The following KCNN2 variants were observed in gnomAD, a reference collection of about 807,000 sequenced individuals.
The protein encoded by KCNN2 is potassium calcium-activated channel subfamily N member 2.
KCNN2 carries 24 observed loss-of-function variants against 55.5 expected under a neutral mutation model. The observed-to-expected ratio is 0.43, with a 90% CI of 0.31 to 0.61. KCNN2 has a LOEUF of 0.61. KCNN2 is among the 20% of genes least tolerant of loss of function. The pLI is 0.08. For missense variants in KCNN2, 754 were observed against 853.6 expected (o/e 0.88, Z 1.45); for synonymous variants, 431 against 336.1 (o/e 1.28, Z -3.09).
intron 2 of KCNN2, among the ~76,000 whole-genome samples, chr5:114,365,634 C>G (rs1177579815): frequency 2.0e-5 from 3 of 152,158 alleles, no homozygotes; most frequent in Non-Finnish European, 4.4e-5. Flanking sequence ...GCTTCCTCTG[C>G]GAGCTGCTGC....
At chr5:114,137,812 T>C (rs1752203415) in intron 1 of KCNN2, among the ~76,000 whole-genome samples, 2 of 152,062 alleles carry the variant, frequency 1.3e-5, no homozygotes, top group South Asian at 2.1e-4. Context: ...TAGAAAATAA[T>C]ATTTTATATG....
At chr5:114,402,621 A>G (rs1015947247) in intron 2 of KCNN2, among the ~76,000 whole-genome samples, 3 of 152,226 alleles carry the variant, frequency 2.0e-5, no homozygotes, top group Non-Finnish European at 2.9e-5. Context: ...TGTATCAAAT[A>G]GAGGGTATTT....
chr5:114,241,762 A>ATG (rs1561537074), intron 2 of KCNN2, among the ~76,000 whole-genome samples: 1 of 19,792 alleles, frequency 5.1e-5, no homozygotes. Flanking sequence ...GTATATATAT[A>ATG]CGTATATATA....
At chr5:114,246,990 T>C (rs1326332303) in intron 2 of KCNN2, among the ~76,000 whole-genome samples, 2 of 151,678 alleles carry the variant, frequency 1.3e-5, no homozygotes. Flanking sequence ...GGTTAGATTA[T>C]ATCACTTGCT....
rs1281089112 is a variant in KCNN2, at chr5:114,363,048, A to AGGAGGC, written c.912_917dup (p.Gly309_Gly310dup). ...GAACCGGCGGCGGAGGCAGCACTGG[A>AGGAGGC]GGAGGCGGCGGCGGTGGCGGGAGCG... On this transcript the variant is annotated inframe_insertion, in exon 1 of 8. Coordinates refer to ENST00000673685, the MANE Select transcript of KCNN2 (RefSeq NM_021614.4). 2.5e-6 allele frequency: 4 copies of AGGAGGC among 1,607,020 alleles called. No individual in the cohort carries two copies. In the South Asian group the frequency reaches 3.3e-5, roughly 13 times the overall value.
intron 1 of KCNN2, among the ~76,000 whole-genome samples, chr5:114,132,726 A>G (rs1180028161): frequency 6.6e-6 from 1 of 152,188 alleles, no homozygotes; most frequent in Non-Finnish European, 1.5e-5. Context: ...TAAAAGCATC[A>G]AATTAAAAGC....
chr5:114,320,326 C>T (rs915456872), intron 2 of KCNN2, among the ~76,000 whole-genome samples: 6 of 152,038 alleles, frequency 3.9e-5, no homozygotes, highest in Non-Finnish European at 5.9e-5. Context: ...AGAAAACATT[C>T]ATCCAGGCCG....
At chr5:114,369,177 AC>A (rs1238484964) in intron 2 of KCNN2, among the ~76,000 whole-genome samples, 1 of 152,176 alleles carries the variant, frequency 6.6e-6, no homozygotes, top group African/African-American at 2.4e-5. Flanking sequence ...TTATTCCTCC[AC>A]AGCATTGTGA....
At chr5:114,130,455 A>G (rs535810647) in intron 1 of KCNN2, among the ~76,000 whole-genome samples, 2 of 152,326 alleles carry the variant, frequency 1.3e-5, no homozygotes, top group Admixed American at 6.5e-5. Context: ...AATTACTTCA[A>G]TAGGATCCAG....
At chr5:114,371,899 G>T (rs1757768914) in intron 2 of KCNN2, among the ~76,000 whole-genome samples, 1 of 152,086 alleles carries the variant, frequency 6.6e-6, no homozygotes, top group Non-Finnish European at 1.5e-5. Context: ...GCTATATTAT[G>T]CCGACTCTTA....
At chr5:114,147,775 G>A (rs1359781664) in intron 1 of KCNN2, among the ~76,000 whole-genome samples, 1 of 152,148 alleles carries the variant, frequency 6.6e-6, no homozygotes, top group East Asian at 1.9e-4. Flanking sequence ...ATCATTTAAG[G>A]TGTTTAAATT....
intron 1 of KCNN2, among the ~76,000 whole-genome samples, chr5:114,072,798 AC>A (rs1393515941): frequency 6.6e-6 from 1 of 152,006 alleles, no homozygotes; most frequent in African/African-American, 2.4e-5. Context: ...TTCATTTGTA[AC>A]ATGGAGGTAA....
chr5:114,117,473 G>A (rs1194237936), intron 1 of KCNN2, among the ~76,000 whole-genome samples: 1 of 152,172 alleles, frequency 6.6e-6, no homozygotes, highest in Non-Finnish European at 1.5e-5. Context: ...CCAGTGCCTT[G>A]GGCCTCTGTT....
intron 2 of KCNN2, among the ~76,000 whole-genome samples, chr5:114,327,098 T>G (rs1345307118): frequency 6.6e-6 from 1 of 152,180 alleles, no homozygotes; most frequent in Non-Finnish European, 1.5e-5. Context: ...ATGTTTTACA[T>G]CAATAAAATG....
chr5:114,351,226 T>C (rs935105767), intron 2 of KCNN2, among the ~76,000 whole-genome samples: 8 of 151,774 alleles, frequency 5.3e-5, no homozygotes, highest in Non-Finnish European at 1.0e-4. Context: ...TGCAATCATT[T>C]TGAAATTTCA....
intron 2 of KCNN2, among the ~76,000 whole-genome samples, chr5:114,301,093 T>C (rs1756148079): frequency 1.3e-5 from 2 of 152,020 alleles, no homozygotes; most frequent in Non-Finnish European, 2.9e-5. Flanking sequence ...CTGGGACCTA[T>C]AGACTGTTCT....
chr5:114,358,126 A>G (rs986594365), upstream of KCNN2, among the ~76,000 whole-genome samples: 2 of 151,940 alleles, frequency 1.3e-5, no homozygotes, highest in African/African-American at 4.8e-5. Context: ...ACACATGACT[A>G]AAGAGCTTCT....
chr5:114,463,914 A>G (rs1309102618), intron 4 of KCNN2, among the ~76,000 whole-genome samples: 1 of 152,164 alleles, frequency 6.6e-6, no homozygotes, highest in Non-Finnish European at 1.5e-5. Flanking sequence ...GGAAGAGGAA[A>G]TGGTGTATTT....
rs972709087 is a variant in KCNN2 at position 114,285,011 on chromosome 5, G to A, written c.-185+63446G>A. On this transcript the variant is annotated intron_variant, in intron 2 of 10. Coordinates refer to the KCNN2 transcript ENST00000512097. ...CAGAGTAAGTTGGCAGGCTGGGCGC[G>A]GTGGCTCATGCCTGTAATCCCAGGA... is the stretch of plus-strand genomic sequence containing the variant. Among the ~76,000 whole-genome samples the A allele has an allele frequency of 7.2e-5, 11 of 151,790 alleles. No individual in the cohort carries two copies. The East Asian group carries it at 7.9e-4, about 11-fold the overall frequency.
Sources: gnomAD v4.1 joint callset for allele counts (sites outside exome capture counted in the v4.1 genomes callset) on GRCh38, gnomAD v4.1.1 for gene constraint, MANE v1.5 for transcripts, NCBI Gene and HGNC (gene_info 2026-07-23, HGNC 2026-07-21) for gene names.